The following AKR1E2 variants were observed in gnomAD, a reference collection of about 807,000 sequenced individuals.
The protein encoded by AKR1E2 is 1,5-anhydro-D-fructose reductase.
AKR1E2 carries 43 observed loss-of-function variants against 41.9 expected under a neutral mutation model. That is an observed-to-expected ratio of 1.03 (90% CI 0.80 to 1.32). The LOEUF is 1.32. AKR1E2 is among the 40% of genes most tolerant of loss of function. The pLI, the probability that AKR1E2 is intolerant of heterozygous loss-of-function variation, is 0.00. For missense variants in AKR1E2, 423 were observed against 396.5 expected, an observed-to-expected ratio of 1.07 and a Z score of -0.57; for synonymous variants, 121 against 138.9, an observed-to-expected ratio of 0.87 and a Z score of 0.91.
At chr10:4,834,539 A>G (rs1016961558) in intron 3 of AKR1E2, among the ~76,000 whole-genome samples, 2 of 152,232 alleles carry the variant, frequency 1.3e-5, no homozygotes, top group African/African-American at 2.4e-5. Context: ...TTATGTACCC[A>G]GAACTATGTT....
chr10:4,842,572 G>A lies in AKR1E2; in HGVS notation c.837+68G>A, dbSNP rs1588473924. ...TGTTAGATGGGAAGGGATGACTGCT[G>A]TAGCATACAGCCTCAGGGTTGCGGA... On this transcript the variant is annotated intron_variant, in intron 8 of 9. Transcript: ENST00000298375. 9.8e-6 allele frequency: 14 copies of A among 1,430,764 alleles called. No homozygotes were observed. In the East Asian group the frequency reaches 2.1e-4, roughly 21 times the overall value. The allele number at this position is 1,430,764 out of a possible 1,614,324, so 88.6% of individuals were successfully genotyped here. A position where few individuals can be genotyped will look rare whatever the true frequency, so the allele number is the denominator to read the frequency against.
downstream of AKR1E2, among the ~76,000 whole-genome samples, chr10:4,850,492 T>A (rs1158144687): frequency 6.6e-6 from 1 of 151,968 alleles, no homozygotes; most frequent in African/African-American, 2.4e-5. Context: ...TGATGGCAGT[T>A]TATGTTTGAT....
At chr10:4,858,823 A>AT in the AKR1E2 span, among the ~76,000 whole-genome samples, 103,697 of 131,940 alleles carry the variant, frequency 0.79, 42,224 homozygotes, top group Middle Eastern at 0.89. Context: ...AGGAATTTGG[A>AT]TTTTTTTTTT....
At chr10:4,830,568 G>A in intron 1 of AKR1E2, 107 bp from the exon 2 acceptor site, 1 of 1,292,996 alleles carries the variant, frequency 7.7e-7, no homozygotes, top group South Asian at 1.4e-5. Context: ...CCAAATTAGT[G>A]ACTTAATTTT....
rs373745128 is a variant in AKR1E2 at position 4,837,517 on chromosome 10, A to G, written c.518A>G (p.Asn173Ser). 72 of 1,614,052 alleles carry G rather than the reference A, an allele frequency of 4.5e-5. No individual in the cohort carries two copies. Among genetic ancestry groups the G allele is most frequent in the Middle Eastern group, 1.6e-4 (1 of 6,084 alleles). Residue 173 changes from asparagine (N) to serine (S), a missense_variant, in exon 5 of 10, where the codon AAC becomes AGC. Physicochemically the swap from Asn to Ser is conservative, Grantham distance 46 (BLOSUM62 1). Coordinates refer to ENST00000298375, the MANE Select transcript of AKR1E2 (RefSeq NM_001040177.3). The part of the protein sequence containing the change: ...LVKNIGVSNF[N>S]HEQLERLLNK... The stretch of plus-strand genomic sequence containing the variant: ...AAGAACATCGGGGTGTCAAACTTCA[A>G]CCATGAACAGCTTGAGAGGCTTTTG...
chr10:4,844,774 C>G (rs1034258745), intron 8 of AKR1E2, among the ~76,000 whole-genome samples: 2 of 152,214 alleles, frequency 1.3e-5, no homozygotes, highest in Admixed American at 6.5e-5. Context: ...TACAGAGTGC[C>G]GATTGGTGTA....
At chr10:4,851,690 A>G (rs1834529677), downstream of AKR1E2, among the ~76,000 whole-genome samples, 1 of 152,180 alleles carries the variant, frequency 6.6e-6, no homozygotes, top group Admixed American at 6.5e-5. Context: ...ATTTACCATT[A>G]TTTCTGTTTT....
chr10:4,841,626 G>A (rs1833880459), intron 6 of AKR1E2, among the ~76,000 whole-genome samples, 159 bp from the exon 7 acceptor site: 1 of 152,140 alleles, frequency 6.6e-6, no homozygotes. Context: ...CTGGAAATGT[G>A]GGGCGATGTG....
At chr10:4,842,846 T>A (rs149945552) in intron 8 of AKR1E2, among the ~76,000 whole-genome samples, 54 of 152,270 alleles carry the variant, frequency 3.5e-4, no homozygotes, top group Non-Finnish European at 6.9e-4. Context: ...GCTGGATGTC[T>A]CCTAAGCGTG....
At chr10:4,833,521 T>C (rs762478667) in intron 3 of AKR1E2, 55 bp downstream of exon 3, 1 of 1,451,858 alleles carries the variant, frequency 6.9e-7, no homozygotes, top group Non-Finnish European at 9.7e-7. Context: ...CTCCCCGTGC[T>C]CACACCCTGT....
intron 8 of AKR1E2, among the ~76,000 whole-genome samples, 181 bp downstream of exon 8, chr10:4,842,685 A>T (rs940169907): frequency 6.6e-6 from 1 of 152,124 alleles, no homozygotes; most frequent in African/African-American, 2.4e-5. Context: ...GGCTCCTTCC[A>T]TCTTAGGGCC....
At chr10:4,869,271 C>A in the AKR1E2 span, among the ~76,000 whole-genome samples, 11 of 152,080 alleles carry the variant, frequency 7.2e-5, no homozygotes, top group African/African-American at 2.2e-4. Context: ...GGGTATTTTT[C>A]AGGGGAATTG....
the AKR1E2 span, among the ~76,000 whole-genome samples, chr10:4,860,216 A>T: frequency 2.0e-4 from 30 of 152,178 alleles, no homozygotes; most frequent in Non-Finnish European, 3.7e-4. Context: ...ATAAGTCATG[A>T]TATTGGATTT....
At chr10:4,825,925 A>T (rs1480313442), upstream of AKR1E2, among the ~76,000 whole-genome samples, 1 of 151,612 alleles carries the variant, frequency 6.6e-6, no homozygotes, top group Non-Finnish European at 1.5e-5. Context: ...GTCACACCTA[A>T]GGTGGGGGCG....
In AKR1E2 at chr10:4,835,679, C is replaced by T; in HGVS notation, c.329C>T (p.Pro110Leu). 6.2e-7 allele frequency: 1 copy of T among 1,613,876 alleles called. No homozygotes were observed. The highest frequency in any genetic ancestry group is 8.5e-7 in the Non-Finnish European group (1 of 1,179,954). The change falls in exon 4 of 10, where the codon CCT (proline) becomes CTT (leucine). Residue 110 changes from proline (P) to leucine (L), a missense_variant. Coordinates refer to ENST00000298375, the MANE Select transcript of AKR1E2 (RefSeq NM_001040177.3). ...LIHWPMGFKPPHPEWIMSCSE... is the reference protein window; with the variant it reads ...LIHWPMGFKPLHPEWIMSCSE... ...CTCAACTCTCCTTCTTCGCAGCCTC[C>T]TCATCCAGAATGGATCATGAGCTGC...
intron 1 of AKR1E2, among the ~76,000 whole-genome samples, chr10:4,829,242 G>A (rs12572008): frequency 0.035 from 5,304 of 152,180 alleles, 148 homozygotes; most frequent in East Asian, 0.11. Flanking sequence ...TATTGATTGA[G>A]TTGACTTTTG....
Position 4,846,947 on chromosome 10 carries a change from C to A in AKR1E2, c.838-201C>A, listed in dbSNP as rs17133762. Among the ~76,000 whole-genome samples the A allele has an allele frequency of 0.035, 5,309 of 152,274 alleles. 149 individuals carry two copies. Among genetic ancestry groups the A allele is most frequent in the East Asian group, 0.11 (593 of 5,174 alleles). ...TTCCTAAATGTAGCCAAGGCCAAGCCAACACCAGTCACATGATCAAAATCA... is the reference window on the plus strand; with the variant it reads ...TTCCTAAATGTAGCCAAGGCCAAGCAAACACCAGTCACATGATCAAAATCA... On this transcript the variant is annotated intron_variant, in intron 8 of 9. Coordinates refer to ENST00000298375, the MANE Select transcript of AKR1E2 (RefSeq NM_001040177.3).
chr10:4,855,560 A>AG, the AKR1E2 span, among the ~76,000 whole-genome samples: 39,286 of 152,106 alleles, frequency 0.26, 5,283 homozygotes, highest in Middle Eastern at 0.37. Context: ...GCCCAGGTTC[A>AG]GGTCCAATTC....
chr10:4,834,675 T>C (rs1358353928), intron 3 of AKR1E2, among the ~76,000 whole-genome samples: 1 of 152,268 alleles, frequency 6.6e-6, no homozygotes, highest in Non-Finnish European at 1.5e-5. Context: ...AGTTAGATTA[T>C]TGGAGCCCAG....
Sources: allele counts gnomAD v4.1 joint callset (sites outside exome capture counted in the v4.1 genomes callset), GRCh38; gene constraint gnomAD v4.1.1; transcripts MANE v1.5; gene names NCBI Gene and HGNC (gene_info 2026-07-23, HGNC 2026-07-21).